Variants in CNTNAP4 observed in about 807,000 individuals in gnomAD.
CNTNAP4 encodes the protein contactin associated protein family member 4, also known as contactin-associated protein-like 4.
CNTNAP4 carries 98 observed loss-of-function variants against 148.4 expected under a neutral mutation model. The ratio of observed to expected loss-of-function variants is 0.66; its 90% CI spans 0.56 to 0.78. The LOEUF (loss-of-function observed/expected upper bound fraction) is 0.78, where lower values mean the gene tolerates loss of function less well. Among genes scored for constraint, CNTNAP4 ranks in the 30% least tolerant of loss-of-function variants. CNTNAP4 has a pLI of 0.00. For missense variants in CNTNAP4, 1,935 were observed against 1,565.6 expected (o/e 1.24, Z -3.98); for synonymous variants, 730 against 565.1 (o/e 1.29, Z -4.14).
intron 21 of CNTNAP4, among the ~76,000 whole-genome samples, chr16:76,543,300 T>C (rs1000155712): frequency 6.6e-6 from 1 of 152,190 alleles, no homozygotes; most frequent in African/African-American, 2.4e-5. Flanking sequence ...GGTATATGAA[T>C]TTATAGCAAC....
intron 1 of CNTNAP4, among the ~76,000 whole-genome samples, chr16:76,285,973 A>G (rs1157367613): frequency 6.6e-6 from 1 of 152,030 alleles, no homozygotes; most frequent in Non-Finnish European, 1.5e-5. Context: ...AAAATCTGAG[A>G]AAGTCAAATT....
chr16:76,370,176 T>C lies in CNTNAP4; in HGVS notation c.390+14665T>C, dbSNP rs543211209. 7.2e-5 allele frequency among the ~76,000 whole-genome samples: 11 copies of C among 152,070 alleles called. No individual in the cohort carries two copies. The South Asian group carries it at 2.3e-3, about 32-fold the overall frequency. ...GAATAAAGCGTACCTTGGTTGTCAA[T>C]ACAAAGCATCACAACAGATTATTGT... On this transcript the variant is annotated intron_variant, in intron 3 of 23. Transcript: ENST00000611870.
In CNTNAP4 at chr16:76,376,907, T is replaced by TGTGTGTGTGTGTG. The variant is rs2015471306; in HGVS notation, c.390+21396_390+21397insGTGTGTGTGTGTG. Among the ~76,000 whole-genome samples the TGTGTGTGTGTGTG allele has an allele frequency of 8.6e-4, 124 of 143,544 alleles. 2 individuals are homozygous for TGTGTGTGTGTGTG. The highest frequency in any genetic ancestry group is 3.0e-3 in the African/African-American group (117 of 38,874). The allele number at this position is 143,544 out of a possible 152,430, so 94.2% of individuals were successfully genotyped here. On this transcript the variant is annotated intron_variant, in intron 3 of 23. Coordinates refer to ENST00000611870, the MANE Select transcript of CNTNAP4 (RefSeq NM_033401.5). ...TCCAGAGAAACAAAACTAACAAGGT[T>TGTGTGTGTGTGTG]TGTGTGTGTGTGTGTGTGTGTGTGT...
chr16:76,477,182 C>T (rs2081615949), intron 11 of CNTNAP4, among the ~76,000 whole-genome samples: 1 of 152,004 alleles, frequency 6.6e-6, no homozygotes, highest in Admixed American at 6.6e-5. Flanking sequence ...GGGATAACAA[C>T]CAATATCCCT....
chr16:76,461,887 G>A, intron 8 of CNTNAP4, 69 bp from the exon 9 acceptor site: 2 of 1,353,776 alleles, frequency 1.5e-6, no homozygotes, highest in Non-Finnish European at 2.1e-6. Context: ...TGTGTATATT[G>A]CTGTTTCTAA....
At position 76,303,520 on chromosome 16, in the gene CNTNAP4, G is replaced by A. The variant is rs118150171; in HGVS notation, c.86-12893G>A. ...GTTGAAAATATCAGTAATGGAAGTA[G>A]CACATACTTAGGAGGACATTGTTGC... On this transcript the variant is annotated intron_variant, in intron 1 of 23. Transcript: ENST00000611870. Among the ~76,000 whole-genome samples the A allele has an allele frequency of 4.6e-3, 702 of 152,262 alleles. 5 individuals are homozygous for A. Among genetic ancestry groups the A allele is most frequent in the Non-Finnish European group, 7.3e-3 (495 of 68,018 alleles).
intron 2 of CNTNAP4, among the ~76,000 whole-genome samples, chr16:76,325,335 T>A (rs1962862142): frequency 6.6e-6 from 1 of 152,208 alleles, no homozygotes; most frequent in Admixed American, 6.5e-5. Context: ...ATACTCTGTG[T>A]AGTATATCTC....
chr16:76,406,029 A>C lies in CNTNAP4; in HGVS notation c.391-21423A>C, dbSNP rs569705798. ...TCAGGAGTTTGAGACCATCCTGAGC[A>C]ACATGGTGAAACTATGTCTGTACAA... On this transcript the variant is annotated intron_variant, in intron 3 of 23. Coordinates refer to ENST00000611870, the MANE Select transcript of CNTNAP4 (RefSeq NM_033401.5). 9.5e-4 allele frequency among the ~76,000 whole-genome samples: 144 copies of C among 152,194 alleles called. 1 individual carries two copies. Among genetic ancestry groups the C allele is most frequent in the African/African-American group, 3.3e-3 (135 of 41,526 alleles).
At chr16:76,501,483 A>G (rs1321671807) in intron 15 of CNTNAP4, among the ~76,000 whole-genome samples, 2 of 152,136 alleles carry the variant, frequency 1.3e-5, no homozygotes, top group Non-Finnish European at 2.9e-5. Flanking sequence ...CATTTTAAGC[A>G]CACAACATCA....
rs568803045 is a variant in CNTNAP4, at chr16:76,331,332, C to T, written c.196+14809C>T. Among the ~76,000 whole-genome samples, 23 of 152,008 alleles carry T rather than the reference C, an allele frequency of 1.5e-4. 1 individual carries two copies. The highest frequency in any genetic ancestry group is 1.0e-3 in the Admixed American group (16 of 15,272). Reference sequence around the variant, plus strand: ...CCTCCCGAGTAGCTGGGACTGCAGGCGCCCGCCACCATGCTCGGCTAATTT... The same window carrying T: ...CCTCCCGAGTAGCTGGGACTGCAGGTGCCCGCCACCATGCTCGGCTAATTT... On this transcript the variant is annotated intron_variant, in intron 2 of 23. Transcript: ENST00000611870.
In CNTNAP4 at chr16:76,346,426, G is replaced by A. The variant is rs1313808707; in HGVS notation, c.197-8892G>A. Among the ~76,000 whole-genome samples, 5 of 94,212 alleles carry A rather than the reference G, an allele frequency of 5.3e-5. No homozygotes were observed. The Admixed American group carries it at 5.8e-4, about 11-fold the overall frequency. 61.8% of individuals were successfully genotyped at this position (94,212 alleles called of 152,430 possible). A position where few individuals can be genotyped will look rare whatever the true frequency, so the allele number is the denominator to read the frequency against. On this transcript the variant is annotated intron_variant, in intron 2 of 23. Coordinates refer to ENST00000611870, the MANE Select transcript of CNTNAP4 (RefSeq NM_033401.5). ...CAGCTTATCATCTCAGTCTGGCTAGGGAAGATAAAAAAAAAAAAAAAAAAA... is the reference window on the plus strand; with the variant it reads ...CAGCTTATCATCTCAGTCTGGCTAGAGAAGATAAAAAAAAAAAAAAAAAAA...
intron 2 of CNTNAP4, among the ~76,000 whole-genome samples, chr16:76,341,478 A>G (rs187355307): frequency 2.6e-5 from 4 of 152,350 alleles, no homozygotes; most frequent in Admixed American, 2.6e-4. Flanking sequence ...TAAACTGACC[A>G]GATTTGGCAA....
chr16:76,285,658 A>T (rs1469189138), intron 1 of CNTNAP4, among the ~76,000 whole-genome samples: 3 of 152,144 alleles, frequency 2.0e-5, no homozygotes, highest in African/African-American at 7.2e-5. Context: ...ATGTAAATAT[A>T]TAAATTCACC....
At chr16:76,396,894 C>G (rs773556862) in intron 3 of CNTNAP4, among the ~76,000 whole-genome samples, 25 of 152,088 alleles carry the variant, frequency 1.6e-4, no homozygotes, top group Non-Finnish European at 2.8e-4. Flanking sequence ...CTATTTATCA[C>G]AAGAATAATT....
intron 3 of CNTNAP4, among the ~76,000 whole-genome samples, chr16:76,364,961 C>G (rs1374061558): frequency 6.6e-6 from 1 of 152,076 alleles, no homozygotes; most frequent in Non-Finnish European, 1.5e-5. Flanking sequence ...TGCCTAGGTC[C>G]TGAATGGTAT....
At chr16:76,340,163 C>T (rs1964350432) in intron 2 of CNTNAP4, among the ~76,000 whole-genome samples, 1 of 152,076 alleles carries the variant, frequency 6.6e-6, no homozygotes, top group Non-Finnish European at 1.5e-5. Flanking sequence ...TTTACCAAAA[C>T]AACTCTGGAA....
intron 3 of CNTNAP4, among the ~76,000 whole-genome samples, chr16:76,389,702 C>G (rs761286599): frequency 6.6e-6 from 1 of 151,998 alleles, no homozygotes; most frequent in Non-Finnish European, 1.5e-5. Flanking sequence ...TGCTGAATTC[C>G]TCATCTGCCT....
intron 2 of CNTNAP4, among the ~76,000 whole-genome samples, chr16:76,323,534 A>C (rs958946060): frequency 6.6e-6 from 1 of 152,196 alleles, no homozygotes; most frequent in African/African-American, 2.4e-5. Context: ...CTATTAAAGT[A>C]GTGGAGAGTT....
intron 2 of CNTNAP4, among the ~76,000 whole-genome samples, chr16:76,334,910 C>A (rs1229209380): frequency 6.6e-6 from 1 of 151,928 alleles, no homozygotes; most frequent in Non-Finnish European, 1.5e-5. Context: ...ATAGCTCATA[C>A]TGTAGGAGCC....
Sources: allele counts gnomAD v4.1 joint callset (sites outside exome capture counted in the v4.1 genomes callset), GRCh38; gene constraint gnomAD v4.1.1; transcripts MANE v1.5; gene names NCBI Gene and HGNC (gene_info 2026-07-23, HGNC 2026-07-21).